The following TMEM131 variants were observed in gnomAD, a reference collection of about 807,000 sequenced individuals.
TMEM131 encodes the protein 2610524E03Rik.
TMEM131 carries 66 observed loss-of-function variants against 211.6 expected under a neutral mutation model. The ratio of observed to expected loss-of-function variants is 0.31; its 90% CI spans 0.26 to 0.38. The LOEUF (loss-of-function observed/expected upper bound fraction) is 0.38, where lower values mean the gene tolerates loss of function less well. Among genes scored for constraint, TMEM131 ranks in the 10% least tolerant of loss-of-function variants. The probability of loss-of-function intolerance (pLI) is 1.00; values close to 1 mark genes in which losing one functional copy is unlikely to be tolerated. For synonymous variants in TMEM131, 844 were observed against 841.3 expected, an observed-to-expected ratio of 1.00 and a Z score of -0.06; for missense variants, 2,036 against 2,299.3, an observed-to-expected ratio of 0.89 and a Z score of 2.34.
intron 2 of TMEM131, among the ~76,000 whole-genome samples, chr2:97,924,640 C>T (rs1045642043): frequency 1.3e-5 from 2 of 152,166 alleles, no homozygotes; most frequent in African/African-American, 4.8e-5. Flanking sequence ...GAGTTCGTTC[C>T]TGTAATGCCC....
At chr2:97,970,390 G>A (rs1448486175) in intron 1 of TMEM131, among the ~76,000 whole-genome samples, 1 of 152,176 alleles carries the variant, frequency 6.6e-6, no homozygotes, top group African/African-American at 2.4e-5. Flanking sequence ...AGTACAGAGA[G>A]AGGAGACAAA....
chr2:97,880,399 T>A (rs1392902309), intron 4 of TMEM131, among the ~76,000 whole-genome samples: 6 of 152,206 alleles, frequency 3.9e-5, no homozygotes, highest in Non-Finnish European at 8.8e-5. Flanking sequence ...GTTGACAGCA[T>A]GAATCCTGAC....
At position 97,769,901 on chromosome 2, in the gene TMEM131, C is replaced by A. The variant is rs187130850; in HGVS notation, c.4448+2396G>T. Among the ~76,000 whole-genome samples the A allele has an allele frequency of 5.8e-3, 876 of 152,286 alleles. 2 individuals are homozygous for A. The highest frequency in any genetic ancestry group is 9.9e-3 in the Non-Finnish European group (675 of 68,010). Reference sequence around the variant, plus strand: ...CAGATTTCTGTTGCTGCAGCCCCACCCTCCTATTTCCTAGCAAGTGATTTT... The same window carrying A: ...CAGATTTCTGTTGCTGCAGCCCCACACTCCTATTTCCTAGCAAGTGATTTT... On this transcript the variant is annotated intron_variant, in intron 33 of 40. Transcript: ENST00000186436.
At chr2:97,769,928 T>C (rs1480261764) in intron 33 of TMEM131, among the ~76,000 whole-genome samples, 1 of 152,244 alleles carries the variant, frequency 6.6e-6, no homozygotes, top group African/African-American at 2.4e-5. Flanking sequence ...AGTGATTTTT[T>C]TGAGGTCAAC....
chr2:97,966,358 C>T (rs927221644), intron 1 of TMEM131, among the ~76,000 whole-genome samples: 1 of 152,044 alleles, frequency 6.6e-6, no homozygotes, highest in African/African-American at 2.4e-5. Flanking sequence ...TAAAAGAACC[C>T]TTTCCTAATT....
At chr2:97,932,248 G>T (rs764513303) in intron 1 of TMEM131, among the ~76,000 whole-genome samples, 62 of 152,024 alleles carry the variant, frequency 4.1e-4, no homozygotes, top group Admixed American at 3.3e-4. Flanking sequence ...TCAACAAAGG[G>T]CTCAATAGCA....
intron 7 of TMEM131, among the ~76,000 whole-genome samples, chr2:97,840,956 T>C (rs1683167220): frequency 6.6e-6 from 1 of 152,208 alleles, no homozygotes; most frequent in Admixed American, 6.5e-5. Context: ...TTATGAACAG[T>C]TATACCAGGG....
intron 1 of TMEM131, among the ~76,000 whole-genome samples, chr2:97,989,539 T>C (rs990934536): frequency 3.3e-5 from 5 of 152,202 alleles, no homozygotes; most frequent in Non-Finnish European, 5.9e-5. Flanking sequence ...TCTGAAGATC[T>C]GCTACACAAC....
intron 5 of TMEM131, among the ~76,000 whole-genome samples, chr2:97,849,235 T>TA (rs1323061671): frequency 2.6e-5 from 4 of 152,148 alleles, no homozygotes; most frequent in East Asian, 3.8e-4. Context: ...ACAGTTGTTA[T>TA]AAAAAACTGT....
chr2:97,883,255 G>T (rs1387278358), intron 4 of TMEM131, among the ~76,000 whole-genome samples: 3 of 152,220 alleles, frequency 2.0e-5, no homozygotes, highest in Non-Finnish European at 2.9e-5. Flanking sequence ...AGCGAAGTTT[G>T]TTTGTCTGTT....
At chr2:97,838,357 T>C (rs1172457378) in intron 7 of TMEM131, among the ~76,000 whole-genome samples, 1 of 147,368 alleles carries the variant, frequency 6.8e-6, no homozygotes, top group Non-Finnish European at 1.5e-5. Context: ...ACTTGTTTCA[T>C]CACAAGAAGT....
At chr2:97,864,835 T>G (rs924475882) in intron 4 of TMEM131, among the ~76,000 whole-genome samples, 1 of 152,190 alleles carries the variant, frequency 6.6e-6, no homozygotes, top group African/African-American at 2.4e-5. Context: ...ATTCTCCACT[T>G]TCTTCCCTGT....
intron 11 of TMEM131, among the ~76,000 whole-genome samples, chr2:97,832,004 CAA>C (rs770432398): frequency 5.0e-5 from 3 of 60,266 alleles, no homozygotes; most frequent in East Asian, 5.6e-4. Flanking sequence ...AAGTCACTTC[CAA>C]AAAAAAAAAA....
rs758571888 is a variant in TMEM131 at position 97,805,462 on chromosome 2, G to A, written c.2209-11C>T. ...ATAAATGTTTGCAATCTATAAAGAG[G>A]CACAGGAGAACCATGAATCCCAAAT... On this transcript the variant is annotated splice_polypyrimidine_tract_variant and intron_variant, in intron 20 of 40. Coordinates refer to ENST00000186436, the MANE Select transcript of TMEM131 (RefSeq NM_015348.2). 6.2e-7 allele frequency: 1 copy of A among 1,613,860 alleles called. No individual in the cohort carries two copies. The highest frequency in any genetic ancestry group is 8.5e-7 in the Non-Finnish European group (1 of 1,179,816).
chr2:97,827,160 T>G (rs796391932), intron 11 of TMEM131: 8 of 600,610 alleles, frequency 1.3e-5, no homozygotes, highest in Non-Finnish European at 1.8e-5. Flanking sequence ...TGGGGAGGAG[T>G]GGCAGCGGCA....
chr2:97,759,206 G>T, intron 39 of TMEM131, 153 bp from the exon 40 acceptor site: 1 of 902,290 alleles, frequency 1.1e-6, no homozygotes, highest in Non-Finnish European at 1.7e-6. Flanking sequence ...GGAAGTAGGG[G>T]CAGGAGTGTC....
intron 5 of TMEM131, among the ~76,000 whole-genome samples, chr2:97,856,102 T>G (rs952070853): frequency 6.6e-6 from 1 of 152,176 alleles, no homozygotes; most frequent in African/African-American, 2.4e-5. Flanking sequence ...ACATTTTTGT[T>G]TCCTACTGTG....
At chr2:97,886,132 C>T (rs1466378466) in intron 4 of TMEM131, among the ~76,000 whole-genome samples, 1 of 151,920 alleles carries the variant, frequency 6.6e-6, no homozygotes, top group African/African-American at 2.4e-5. Context: ...GTTATGTTAC[C>T]TGTCTCTTTG....
intron 5 of TMEM131, among the ~76,000 whole-genome samples, chr2:97,854,601 C>A (rs1054216375): frequency 1.8e-4 from 28 of 152,142 alleles, no homozygotes; most frequent in African/African-American, 6.0e-4. Flanking sequence ...AATTTCATTC[C>A]TCTGTTCAAA....
Sources: gnomAD v4.1 joint callset for allele counts (sites outside exome capture counted in the v4.1 genomes callset) on GRCh38, gnomAD v4.1.1 for gene constraint, MANE v1.5 for transcripts, NCBI Gene and HGNC (gene_info 2026-07-23, HGNC 2026-07-21) for gene names.